ROR2: variants seen among roughly 807,000 people sequenced by gnomAD.
ROR2 encodes the protein ROR family WNT receptor 2, also known as tyrosine-protein kinase transmembrane receptor ROR2.
ROR2 carries 33 observed loss-of-function variants against 74.9 expected under a neutral mutation model. That is an observed-to-expected ratio of 0.44 (90% CI 0.33 to 0.59). The LOEUF (loss-of-function observed/expected upper bound fraction) is 0.59. Ranked by LOEUF, ROR2 falls within the 20% of genes least tolerant of loss-of-function variation. The probability of loss-of-function intolerance (pLI) is 0.02; values close to 1 mark genes in which losing one functional copy is unlikely to be tolerated. For synonymous variants in ROR2, 586 were observed against 558.7 expected, an observed-to-expected ratio of 1.05 and a Z score of -0.69; for missense variants, 1,216 against 1,313.8, an observed-to-expected ratio of 0.93 and a Z score of 1.15.
chr9:91,814,421 T>C (rs1001441974), intron 1 of ROR2, among the ~76,000 whole-genome samples: 1 of 152,012 alleles, frequency 6.6e-6, no homozygotes, highest in Admixed American at 6.5e-5. Context: ...AGAGCGGCCA[T>C]CCATCATTCA....
At chr9:91,793,909 G>T (rs7864140) in intron 1 of ROR2, among the ~76,000 whole-genome samples, 7,353 of 152,278 alleles carry the variant, frequency 0.048, 599 homozygotes, top group African/African-American at 0.17. Flanking sequence ...GGAAGGGCTG[G>T]GAGTCGGATA....
chr9:91,838,854 C>T (rs999865715), intron 1 of ROR2, among the ~76,000 whole-genome samples: 5 of 152,126 alleles, frequency 3.3e-5, no homozygotes, highest in Non-Finnish European at 7.4e-5. Flanking sequence ...TTTAAATAAA[C>T]GGGCACAAAG....
intron 1 of ROR2, among the ~76,000 whole-genome samples, chr9:91,793,868 G>C (rs1827085505): frequency 6.6e-6 from 1 of 152,198 alleles, no homozygotes. Context: ...GAGGTAAACT[G>C]GGATAGGAAA....
At chr9:91,814,924 C>T (rs527891280) in intron 1 of ROR2, among the ~76,000 whole-genome samples, 2 of 152,312 alleles carry the variant, frequency 1.3e-5, no homozygotes, top group South Asian at 2.1e-4. Context: ...TAGAGAAGCA[C>T]TCTGGGCCCC....
At position 91,722,618 on chromosome 9, in the gene ROR2, T is replaced by C; in HGVS notation, c.*1044A>G. The C allele has an allele frequency of 2.6e-6, 2 of 779,954 alleles. No individual in the cohort carries two copies. The highest frequency in any genetic ancestry group is 4.8e-6 in the Non-Finnish European group (2 of 417,978). 48.3% of individuals were successfully genotyped at this position (779,954 alleles called of 1,614,324 possible). A position where few individuals can be genotyped will look rare whatever the true frequency, so the allele number is the denominator to read the frequency against. On this transcript the variant is annotated 3_prime_UTR_variant, in exon 9 of 9. Transcript: ENST00000375708. ...CAATCACATGCTTTGTTTCACTTTA[T>C]TGGATACACCGGGTGTGGGATTTAC...
rs553771391 is a variant in ROR2 at position 91,867,829 on chromosome 9, C to A, written c.97+82038G>T. On this transcript the variant is annotated intron_variant, in intron 1 of 8. Transcript: ENST00000375708. The stretch of plus-strand genomic sequence containing the variant: ...CACTATAGAGGCTTTGAAAGTAGAA[C>A]CGGCATTGGGACTGCAAACACGGAA... 4.3e-3 allele frequency among the ~76,000 whole-genome samples: 656 copies of A among 152,228 alleles called. 2 individuals are homozygous for A. Among genetic ancestry groups the A allele is most frequent in the Non-Finnish European group, 6.6e-3 (446 of 68,022 alleles).
intron 1 of ROR2, among the ~76,000 whole-genome samples, chr9:91,935,875 T>C (rs1329685053): frequency 6.6e-6 from 1 of 152,184 alleles, no homozygotes; most frequent in East Asian, 1.9e-4. Flanking sequence ...GAGAAGGCCT[T>C]GGACACAGGA....
chr9:91,949,835 G>T (rs1007552830), intron 1 of ROR2, 32 bp downstream of exon 1: 1 of 1,358,556 alleles, frequency 7.4e-7, no homozygotes, highest in Non-Finnish European at 1.0e-6. Flanking sequence ...GTGAGCTACC[G>T]TCTGCGCACA....
chr9:91,867,750 A>C (rs116613419), intron 1 of ROR2, among the ~76,000 whole-genome samples: 1,942 of 146,624 alleles, frequency 0.013, 44 homozygotes, highest in African/African-American at 0.046. Context: ...GCAGAACACC[A>C]CCCCCGTCCC....
intron 4 of ROR2, among the ~76,000 whole-genome samples, chr9:91,740,282 C>A (rs982848511): frequency 1.3e-5 from 2 of 152,272 alleles, no homozygotes; most frequent in Non-Finnish European, 2.9e-5. Flanking sequence ...GGCGCGGTGG[C>A]TCAAACCTGT....
At chr9:91,741,019 C>T (rs1300339554) in intron 4 of ROR2, among the ~76,000 whole-genome samples, 3 of 151,906 alleles carry the variant, frequency 2.0e-5, no homozygotes, top group Non-Finnish European at 4.4e-5. Flanking sequence ...AAAGACAACT[C>T]GGCCGGGTGC....
intron 1 of ROR2, among the ~76,000 whole-genome samples, chr9:91,946,285 G>A (rs560709420): frequency 3.2e-4 from 48 of 152,286 alleles, no homozygotes; most frequent in South Asian, 4.1e-4. Flanking sequence ...GTCACCACGG[G>A]GCTCCCAAAA....
At chr9:91,780,908 A>C (rs1419508554) in intron 1 of ROR2, among the ~76,000 whole-genome samples, 1 of 152,234 alleles carries the variant, frequency 6.6e-6, no homozygotes, top group African/African-American at 2.4e-5. Context: ...TTAAGCAAGC[A>C]TTTATTAATG....
At chr9:91,771,424 T>C (rs1479905048) in intron 2 of ROR2, among the ~76,000 whole-genome samples, 1 of 152,260 alleles carries the variant, frequency 6.6e-6, no homozygotes, top group Non-Finnish European at 1.5e-5. Context: ...AGGTCAGATA[T>C]AAGCCTCTGT....
At chr9:91,855,400 T>G (rs1029173263) in intron 1 of ROR2, among the ~76,000 whole-genome samples, 1 of 152,148 alleles carries the variant, frequency 6.6e-6, no homozygotes, top group Admixed American at 6.5e-5. Context: ...CGTTCGGCCC[T>G]CCCGCCAGGG....
At chr9:91,776,897 C>A (rs184836061) in intron 1 of ROR2, among the ~76,000 whole-genome samples, 1 of 151,988 alleles carries the variant, frequency 6.6e-6, no homozygotes, top group African/African-American at 2.4e-5. Context: ...AAATACATAC[C>A]CCAAAGAAAA....
At chr9:91,776,201 G>A (rs10992092) in intron 1 of ROR2, among the ~76,000 whole-genome samples, 34,431 of 152,044 alleles carry the variant, frequency 0.23, 4,115 homozygotes, top group Middle Eastern at 0.35. Context: ...CTGCCCTCCA[G>A]ATGGAGGTCC....
intron 1 of ROR2, among the ~76,000 whole-genome samples, chr9:91,840,171 T>C (rs1828738484): frequency 6.6e-6 from 1 of 151,956 alleles, no homozygotes; most frequent in East Asian, 1.9e-4. Flanking sequence ...TGGGAGTGGG[T>C]AGTAGAGGAA....
At chr9:91,861,614 C>T (rs1000403345) in intron 1 of ROR2, among the ~76,000 whole-genome samples, 1 of 152,190 alleles carries the variant, frequency 6.6e-6, no homozygotes, top group African/African-American at 2.4e-5. Context: ...ACTCAAAATG[C>T]ATCACAGGCC....
Sources: allele counts gnomAD v4.1 joint callset (sites outside exome capture counted in the v4.1 genomes callset), GRCh38; gene constraint gnomAD v4.1.1; transcripts MANE v1.5; gene names NCBI Gene and HGNC (gene_info 2026-07-23, HGNC 2026-07-21).